PUDP: variants seen among roughly 807,000 people sequenced by gnomAD.
PUDP encodes pseudouridine-5'-phosphatase.
Under a neutral mutation model 9.4 loss-of-function variants are expected in PUDP, and 8 were observed. The ratio of observed to expected loss-of-function variants is 0.85; its 90% CI spans 0.50 to 1.53. The LOEUF (loss-of-function observed/expected upper bound fraction) is 1.53. Among genes scored for constraint, PUDP ranks in the 40% most tolerant of loss-of-function variants. PUDP has a pLI of 0.00. For missense variants in PUDP, 188 were observed against 189.7 expected, an observed-to-expected ratio of 0.99 and a Z score of 0.05; for synonymous variants, 99 against 80.7, an observed-to-expected ratio of 1.23 and a Z score of -1.22.
intron 2 of PUDP, among the ~76,000 whole-genome samples, chrX:7,088,247 A>C (rs1931322858): frequency 9.2e-6 from 1 of 109,238 alleles, no homozygotes; most frequent in Non-Finnish European, 1.9e-5. Context: ...ACAGCGTGTA[A>C]TTTTTTTTTT....
chrX:6,957,157 G>A (rs772161892), intron 3 of PUDP, among the ~76,000 whole-genome samples: 68 of 111,758 alleles, frequency 6.1e-4, no homozygotes, highest in Non-Finnish European at 1.2e-3. Flanking sequence ...GAGCCCAGGG[G>A]AGGAGTTGAA....
chrX:6,867,394 G>A (rs1490090515), intron 3 of PUDP, among the ~76,000 whole-genome samples: 9 of 111,991 alleles, frequency 8.0e-5, no homozygotes, highest in African/African-American at 2.6e-4. Flanking sequence ...TCACAGTGAA[G>A]CCAGCATGAT....
At chrX:6,760,424 T>A (rs1388800323) in intron 3 of PUDP, among the ~76,000 whole-genome samples, 1 of 112,095 alleles carries the variant, frequency 8.9e-6, no homozygotes, top group African/African-American at 3.2e-5. Context: ...CTGGTGAAGA[T>A]ATTGCTCTTG....
chrX:6,978,569 A>T (rs1337050189), intron 1 of PUDP, among the ~76,000 whole-genome samples: 1 of 112,267 alleles, frequency 8.9e-6, no homozygotes, highest in Non-Finnish European at 1.9e-5. Flanking sequence ...GGTTGTTAAA[A>T]ATGTTTATAA....
chrX:7,005,399 A>ATATTAT (rs764811708), intron 1 of PUDP, among the ~76,000 whole-genome samples: 7 of 108,570 alleles, frequency 6.4e-5, no homozygotes, highest in Admixed American at 9.9e-5. Flanking sequence ...AAAATTTGCC[A>ATATTAT]TATTATTATT....
At chrX:6,849,862 AC>A (rs1398911494) in intron 3 of PUDP, among the ~76,000 whole-genome samples, 2 of 112,242 alleles carry the variant, frequency 1.8e-5, no homozygotes, top group Non-Finnish European at 3.8e-5. Flanking sequence ...AGTAAAAAAA[AC>A]CAATCCAGTT....
chrX:6,763,143 C>T (rs1417490863), intron 3 of PUDP, among the ~76,000 whole-genome samples: 1 of 112,244 alleles, frequency 8.9e-6, no homozygotes, highest in Non-Finnish European at 1.9e-5. Flanking sequence ...AATCCCAGCA[C>T]TTTGGGAGGC....
At chrX:7,008,730 G>T (rs930491912) in intron 1 of PUDP, among the ~76,000 whole-genome samples, 11 of 111,893 alleles carry the variant, frequency 9.8e-5, no homozygotes, top group Admixed American at 8.5e-4. Context: ...CAACAATCAA[G>T]AAATACATTC....
At chrX:6,780,972 G>A (rs992400091) in intron 3 of PUDP, among the ~76,000 whole-genome samples, 1 of 111,046 alleles carries the variant, frequency 9.0e-6, no homozygotes, top group African/African-American at 3.3e-5. Flanking sequence ...CAGGATAATC[G>A]CTTGAGCCTA....
chrX:6,799,421 A>C (rs1312877354), intron 3 of PUDP, among the ~76,000 whole-genome samples: 1 of 112,197 alleles, frequency 8.9e-6, no homozygotes, highest in Non-Finnish European at 1.9e-5. Flanking sequence ...CAATATTTAA[A>C]ACACAGTTTG....
At chrX:6,915,186 G>A (rs113056958) in intron 3 of PUDP, among the ~76,000 whole-genome samples, 2,232 of 111,751 alleles carry the variant, frequency 0.02, 52 homozygotes, top group African/African-American at 0.07. Flanking sequence ...TCCCATAGAC[G>A]TTTTTCTAAA....
intron 1 of PUDP, among the ~76,000 whole-genome samples, chrX:7,034,891 G>T (rs1412932831): frequency 9.0e-6 from 1 of 111,413 alleles, no homozygotes; most frequent in Non-Finnish European, 1.9e-5. Context: ...ACATCAGCAG[G>T]TCTAGTTCTC....
intron 1 of PUDP, among the ~76,000 whole-genome samples, chrX:7,137,598 T>A (rs5979031): frequency 0.013 from 1,455 of 112,116 alleles, 25 homozygotes; most frequent in African/African-American, 0.044. Flanking sequence ...TCAGGCATCT[T>A]GTGACAAAGC....
chrX:7,048,474 G>C (rs1426931516), downstream of PUDP, among the ~76,000 whole-genome samples: 1 of 112,304 alleles, frequency 8.9e-6, no homozygotes, highest in African/African-American at 3.2e-5. Flanking sequence ...GAATAAAAAA[G>C]AACGTATGTG....
downstream of PUDP, among the ~76,000 whole-genome samples, chrX:7,044,878 A>G (rs1160621726): frequency 8.9e-6 from 1 of 112,585 alleles, no homozygotes; most frequent in African/African-American, 3.2e-5. Flanking sequence ...CTAGGTAAGC[A>G]CTTTTCTATT....
intron 3 of PUDP, among the ~76,000 whole-genome samples, chrX:6,973,816 C>T (rs1282431519): frequency 9.0e-6 from 1 of 111,095 alleles, no homozygotes; most frequent in Non-Finnish European, 1.9e-5. Context: ...GTTAAAGTCT[C>T]CCACTATTAT....
At chrX:6,947,850 A>G (rs1406742462) in intron 3 of PUDP, among the ~76,000 whole-genome samples, 2 of 111,986 alleles carry the variant, frequency 1.8e-5, no homozygotes, top group East Asian at 5.6e-4. Flanking sequence ...CATAAATCCC[A>G]TGAAAATTAT....
In PUDP at chrX:6,761,247, C is replaced by A. The variant is rs1434495298; in HGVS notation, c.*248-54781G>T. On this transcript the variant is annotated intron_variant and NMD_transcript_variant, in intron 3 of 3. Transcript: ENST00000655425. The stretch of plus-strand genomic sequence containing the variant: ...TTTCCTCTTCCTTCATAATCTCTCC[C>A]CACGTGGCATAAAAGACAAGGGACT... Among the ~76,000 whole-genome samples the A allele has an allele frequency of 2.1e-4, 24 of 111,671 alleles. No homozygotes were observed. In the Admixed American group the frequency reaches 2.3e-3, roughly 11 times the overall value.
intron 1 of PUDP, among the ~76,000 whole-genome samples, chrX:7,143,484 A>G (rs1239605911): frequency 1.8e-5 from 2 of 111,690 alleles, no homozygotes; most frequent in Admixed American, 9.5e-5. Context: ...GCTGGACAAA[A>G]CTCTTATTAT....
Sources: allele counts gnomAD v4.1 joint callset (sites outside exome capture counted in the v4.1 genomes callset), GRCh38; gene constraint gnomAD v4.1.1; transcripts MANE v1.5; gene names NCBI Gene and HGNC (gene_info 2026-07-23, HGNC 2026-07-21).